The following C6orf132 variants were observed in gnomAD, a reference collection of about 807,000 sequenced individuals.
The protein encoded by C6orf132 is chromosome 6 open reading frame 132.
In C6orf132, 43 loss-of-function variants were observed where a neutral mutation model predicts 65.3. The observed-to-expected ratio is 0.66, with a 90% CI of 0.52 to 0.85. The LOEUF is 0.85. Ranked by LOEUF, C6orf132 falls within the 40% of genes least tolerant of loss-of-function variation. The pLI, the probability that C6orf132 is intolerant of heterozygous loss-of-function variation, is 0.00. For missense variants in C6orf132, 1,488 were observed against 1,548.8 expected, an observed-to-expected ratio of 0.96 and a Z score of 0.66; for synonymous variants, 631 against 654.1, an observed-to-expected ratio of 0.96 and a Z score of 0.54.
In C6orf132 at chr6:42,106,102, C is replaced by A; in HGVS notation, c.1810G>T (p.Gly604Trp). Reference protein sequence around the residue: ...RLEGGRICENGADDDKLSKPV... With the variant: ...RLEGGRICENWADDDKLSKPV... The stretch of plus-strand genomic sequence containing the variant: ...TTGGAGAGTTTGTCATCATCAGCCC[C>A]GTTTTCACAAATTCTTCCCCCTTCT... The change falls in exon 4 of 5, where the codon GGG becomes TGG. Residue 604 changes from glycine (G) to tryptophan (W), a missense_variant. By Grantham distance (184) the Gly-to-Trp change is radical. Coordinates refer to ENST00000341865, the MANE Select transcript of C6orf132 (RefSeq NM_001164446.3). 6.5e-7 allele frequency: 1 copy of A among 1,537,216 alleles called. No homozygotes were observed. The highest frequency in any genetic ancestry group is 8.7e-7 in the Non-Finnish European group (1 of 1,146,912).
At chr6:42,118,725 C>T (rs1766625138) in intron 2 of C6orf132, among the ~76,000 whole-genome samples, 1 of 152,166 alleles carries the variant, frequency 6.6e-6, no homozygotes. Flanking sequence ...GCTCTACCAG[C>T]TTGGGAACTC....
intron 2 of C6orf132, among the ~76,000 whole-genome samples, chr6:42,121,792 C>A (rs1031375920): frequency 6.6e-6 from 1 of 152,184 alleles, no homozygotes; most frequent in Non-Finnish European, 1.5e-5. Flanking sequence ...GACCCTGAAC[C>A]TGAGTTAGAG....
chr6:42,138,850 A>AAC (rs59373265), intron 1 of C6orf132, among the ~76,000 whole-genome samples: 17,385 of 142,794 alleles, frequency 0.12, 1,414 homozygotes, highest in African/African-American at 0.24. Context: ...CATGCATTTA[A>AAC]ACACACACAC....
rs576744790 is a variant in C6orf132 at position 42,105,968 on chromosome 6, C to T, written c.1944G>A (p.Glu648=). 4 of 1,536,432 alleles carry T rather than the reference C, an allele frequency of 2.6e-6. No homozygotes were observed. The East Asian group carries it at 7.3e-5, about 28-fold the overall frequency. Reference sequence around the variant, plus strand: ...GTGTAGCCTTGGGTGGTATGGCTGGCTCAGGTGTGGCCTTGGGTGGTATGG... The same window carrying T: ...GTGTAGCCTTGGGTGGTATGGCTGGTTCAGGTGTGGCCTTGGGTGGTATGG... ...GPAIPPKATP[E]PAIPPKATLW... is the part of the protein sequence containing the mutation. Residue 648 remains glutamate (E), a synonymous_variant, in exon 4 of 5, where the codon GAG becomes GAA. Coordinates refer to ENST00000341865, the MANE Select transcript of C6orf132 (RefSeq NM_001164446.3).
rs1228658794 is a variant in C6orf132, at chr6:42,142,569, C to T, written c.-125G>A. ...AGGCCATGTCCCCCGCCGTCCTCCC[C>T]GCCCGCGCACCGGGCAACAGGTGCT... On this transcript the variant is annotated 5_prime_UTR_variant, in exon 1 of 5. Coordinates refer to ENST00000341865, the MANE Select transcript of C6orf132 (RefSeq NM_001164446.3). 2 of 929,572 alleles carry T rather than the reference C, an allele frequency of 2.2e-6. No homozygotes were observed. Among genetic ancestry groups the T allele is most frequent in the Non-Finnish European group, 2.9e-6 (2 of 688,530 alleles). The allele number at this position is 929,572 out of a possible 1,614,324, so 57.6% of individuals were successfully genotyped here.
chr6:42,112,743 G>C (rs1766513348), intron 2 of C6orf132, among the ~76,000 whole-genome samples: 1 of 152,146 alleles, frequency 6.6e-6, no homozygotes, highest in Non-Finnish European at 1.5e-5. Flanking sequence ...ATGTCTTATG[G>C]TATCCCCCAA....
At position 42,106,392 on chromosome 6, in the gene C6orf132, G is replaced by A. The variant is rs1766407925; in HGVS notation, c.1520C>T (p.Pro507Leu). 2 of 1,536,118 alleles carry A rather than the reference G, an allele frequency of 1.3e-6. No individual in the cohort carries two copies. The highest frequency in any genetic ancestry group is 8.7e-7 in the Non-Finnish European group (1 of 1,146,846). Reference sequence around the variant, plus strand: ...GAGAGTCTCCTTCTCAGGCAGGCGGGGGCCCTTCTTGCCCTCCTTGCTCTG... The same window carrying A: ...GAGAGTCTCCTTCTCAGGCAGGCGGAGGCCCTTCTTGCCCTCCTTGCTCTG... ...APQSKEGKKG[P>L]RLPEKETLLS... The change falls in exon 4 of 5, where the codon CCC (proline) becomes CTC (leucine). Residue 507 changes from proline (P) to leucine (L), a missense_variant. Transcript: ENST00000341865.
rs1278604936 is a variant in C6orf132, at chr6:42,110,667, TA to T, written c.253-377del. On this transcript the variant is annotated intron_variant, in intron 2 of 4. Transcript: ENST00000341865. The stretch of plus-strand genomic sequence containing the variant: ...GCTGTGTTTCTGCTTAAAGACATTT[TA>T]ATATATTTTGTTGGTTGGTTAACAT... Among the ~76,000 whole-genome samples, 3 of 152,368 alleles carry T rather than the reference TA, an allele frequency of 2.0e-5. No individual in the cohort carries two copies. In the East Asian group the frequency reaches 5.8e-4, roughly 29 times the overall value.
intron 2 of C6orf132, among the ~76,000 whole-genome samples, 167 bp from the exon 3 acceptor site, chr6:42,110,458 T>C (rs1343029164): frequency 6.6e-6 from 1 of 152,212 alleles, no homozygotes; most frequent in African/African-American, 2.4e-5. Flanking sequence ...AAAAAGTGAA[T>C]CTTGTGGTAC....
intron 4 of C6orf132, 59 bp from the exon 5 acceptor site, chr6:42,103,937 T>C: frequency 8.6e-7 from 1 of 1,164,696 alleles, no homozygotes; most frequent in Non-Finnish European, 1.1e-6. Flanking sequence ...AACACGTCTC[T>C]CATCTCCCCG....
At chr6:42,112,841 C>T (rs550232804) in intron 2 of C6orf132, among the ~76,000 whole-genome samples, 13 of 152,224 alleles carry the variant, frequency 8.5e-5, no homozygotes, top group African/African-American at 2.6e-4. Flanking sequence ...CACTCAAGGT[C>T]GATGTTACAG....
At chr6:42,140,388 A>C (rs969382875) in intron 1 of C6orf132, among the ~76,000 whole-genome samples, 3 of 152,158 alleles carry the variant, frequency 2.0e-5, no homozygotes, top group Admixed American at 2.0e-4. Flanking sequence ...CCCTTGAGGG[A>C]GGAAGGGTGT....
intron 2 of C6orf132, among the ~76,000 whole-genome samples, chr6:42,123,029 A>G (rs1766711496): frequency 6.6e-6 from 1 of 152,188 alleles, no homozygotes; most frequent in Non-Finnish European, 1.5e-5. Flanking sequence ...AGGGCAAGAG[A>G]GAACCCCAGA....
At chr6:42,122,327 G>C (rs984181528) in intron 2 of C6orf132, among the ~76,000 whole-genome samples, 2 of 152,318 alleles carry the variant, frequency 1.3e-5, no homozygotes, top group Non-Finnish European at 2.9e-5. Flanking sequence ...CACGTCCCTG[G>C]AGACCCTGCC....
chr6:42,134,864 C>T (rs927102333), intron 1 of C6orf132, among the ~76,000 whole-genome samples: 1 of 149,070 alleles, frequency 6.7e-6, no homozygotes, highest in Non-Finnish European at 1.5e-5. Context: ...TGGTGGTGGG[C>T]GCCTGTAATC....
At chr6:42,110,352 G>T in intron 2 of C6orf132, 61 bp from the exon 3 acceptor site, 1 of 1,382,292 alleles carries the variant, frequency 7.2e-7, no homozygotes, top group Non-Finnish European at 9.9e-7. Context: ...TTCTCAAACT[G>T]CTGCTCTTTG....
chr6:42,112,285 G>A (rs1440590866), intron 2 of C6orf132, among the ~76,000 whole-genome samples: 8 of 152,152 alleles, frequency 5.3e-5, no homozygotes, highest in African/African-American at 1.7e-4. Context: ...CCAAACCCAG[G>A]TCTGTGGAGC....
chr6:42,142,272 C>T, intron 1 of C6orf132, 28 bp downstream of exon 1: 3 of 1,544,668 alleles, frequency 1.9e-6, no homozygotes, highest in Non-Finnish European at 2.6e-6. Flanking sequence ...GTCCCCGCCC[C>T]AGCGCCCTCC....
Position 42,104,937 on chromosome 6 carries a change from A to C in C6orf132, c.2975T>G (p.Phe992Cys), listed in dbSNP as rs1176711619. The C allele has an allele frequency of 6.8e-7, 1 of 1,476,222 alleles. No homozygotes were observed. Among genetic ancestry groups the C allele is most frequent in the Non-Finnish European group, 8.9e-7 (1 of 1,118,458 alleles). The allele number at this position is 1,476,222 out of a possible 1,614,324, so 91.4% of individuals were successfully genotyped here. Reference sequence around the variant, plus strand: ...GGCCGGGGGCTCAGGGTCATTGCTGAACTCTGGCGGCGGTGGGATGACCTC... The same window carrying C: ...GGCCGGGGGCTCAGGGTCATTGCTGCACTCTGGCGGCGGTGGGATGACCTC... ...NFEVIPPPPE[F>C]SNDPEPPAPA... The change falls in exon 4 of 5, where the codon TTC becomes TGC. Residue 992 changes from phenylalanine (F) to cysteine (C), a missense_variant. Physicochemically the swap from Phe to Cys is radical, Grantham distance 205. Transcript: ENST00000341865. This position sits in a 1 kb window ranked among gnomAD's most constrained non-coding sequence, Gnocchi z 4.1.
Sources: gnomAD v4.1 joint callset for allele counts (sites outside exome capture counted in the v4.1 genomes callset) on GRCh38, gnomAD v4.1.1 for gene constraint, Gnocchi (gnomAD v3.1) non-coding constraint, MANE v1.5 for transcripts, NCBI Gene and HGNC (gene_info 2026-07-23, HGNC 2026-07-21) for gene names.